The following SIL1 variants were observed in gnomAD, a reference collection of about 807,000 sequenced individuals.
SIL1 encodes the protein SIL1 nucleotide exchange factor, also known as nucleotide exchange factor SIL1.
In SIL1, 40 loss-of-function variants were observed where a neutral mutation model predicts 49.1. That is an observed-to-expected ratio of 0.81 (90% CI 0.63 to 1.06). SIL1 has a LOEUF of 1.06. SIL1 is among the 50% of genes least tolerant of loss of function. SIL1 has a pLI of 0.00. For synonymous variants in SIL1, 253 were observed against 250.8 expected (o/e 1.01, Z -0.08); for missense variants, 500 against 572.6 (o/e 0.87, Z 1.29).
intron 1 of SIL1, among the ~76,000 whole-genome samples, chr5:139,174,302 G>A (rs530166077): frequency 4.6e-5 from 7 of 151,958 alleles, no homozygotes; most frequent in African/African-American, 9.7e-5. Context: ...TTCAAGACCC[G>A]TCTGGGCAAT....
intron 3 of SIL1, among the ~76,000 whole-genome samples, chr5:139,079,504 T>A (rs900528754): frequency 1.3e-5 from 2 of 152,204 alleles, no homozygotes; most frequent in Admixed American, 1.3e-4. Flanking sequence ...GAAGGCTGAG[T>A]ATAATTGAAT....
At chr5:138,999,103 C>CCAAATT in intron 7 of SIL1, among the ~76,000 whole-genome samples, 1 of 152,082 alleles carries the variant, frequency 6.6e-6, no homozygotes, top group East Asian at 1.9e-4. Context: ...GTGAAATGCC[C>CCAAATT]ACCTTGGCCT....
At chr5:139,139,997 G>A (rs1751049343) in intron 1 of SIL1, among the ~76,000 whole-genome samples, 1 of 151,940 alleles carries the variant, frequency 6.6e-6, no homozygotes, top group South Asian at 2.1e-4. Flanking sequence ...GAGGCTGGGT[G>A]CAGTGGCTCA....
chr5:139,029,854 C>A (rs1768746909), intron 5 of SIL1, among the ~76,000 whole-genome samples: 1 of 151,070 alleles, frequency 6.6e-6, no homozygotes. Context: ...GTGATGTGTG[C>A]CCATAGTCCT....
intron 3 of SIL1, among the ~76,000 whole-genome samples, chr5:139,094,686 T>G (rs1770417400): frequency 6.6e-6 from 1 of 152,234 alleles, no homozygotes; most frequent in African/African-American, 2.4e-5. Context: ...GCTATCATCT[T>G]ATATTACCAT....
In SIL1 at chr5:139,007,399, T is replaced by C. The variant is rs1266704664; in HGVS notation, c.767+13772A>G. Among the ~76,000 whole-genome samples, 613 of 133,402 alleles carry C rather than the reference T, an allele frequency of 4.6e-3. 6 individuals are homozygous for C. Among genetic ancestry groups the C allele is most frequent in the African/African-American group, 0.015 (461 of 31,728 alleles). 87.5% of individuals were successfully genotyped at this position (133,402 alleles called of 152,430 possible). A position where few individuals can be genotyped will look rare whatever the true frequency, so the allele number is the denominator to read the frequency against. The stretch of plus-strand genomic sequence containing the variant: ...GTTTTCTAGATATACAATCATGTCG[T>C]CTGCAAACAGGGACAATTTGACTTC... On this transcript the variant is annotated intron_variant, in intron 7 of 9. Transcript: ENST00000394817.
At position 139,027,042 on chromosome 5, in the gene SIL1, A is replaced by G. The variant is rs373465986; in HGVS notation, c.454-50T>C. On this transcript the variant is annotated intron_variant, in intron 5 of 9. Coordinates refer to ENST00000394817, the MANE Select transcript of SIL1 (RefSeq NM_022464.5). ...TTAAATTGGTTGGAGACATCTGCCC[A>G]AGATGTCTGTGGTCTACCATGGATG... is the stretch of plus-strand genomic sequence containing the variant. 103 of 1,572,838 alleles carry G rather than the reference A, an allele frequency of 6.5e-5. No individual in the cohort carries two copies. In the East Asian group the frequency reaches 1.1e-3, roughly 17 times the overall value.
chr5:139,148,053 A>G (rs1751226164), intron 1 of SIL1, among the ~76,000 whole-genome samples: 1 of 152,038 alleles, frequency 6.6e-6, no homozygotes, highest in South Asian at 2.1e-4. Flanking sequence ...TGACAAATAA[A>G]TACATTCTGA....
chr5:139,061,111 A>G (rs1769578151), intron 3 of SIL1, among the ~76,000 whole-genome samples: 2 of 152,240 alleles, frequency 1.3e-5, no homozygotes, highest in South Asian at 4.1e-4. Flanking sequence ...AACTGCTGAA[A>G]TGATAGTTTT....
intron 1 of SIL1, among the ~76,000 whole-genome samples, chr5:139,136,326 C>T (rs1365532496): frequency 6.6e-6 from 1 of 152,182 alleles, no homozygotes. Flanking sequence ...GCTGTGGCAA[C>T]CTCATACCTG....
At chr5:139,181,990 G>GT (rs1228780990) in intron 1 of SIL1, among the ~76,000 whole-genome samples, 1 of 151,850 alleles carries the variant, frequency 6.6e-6, no homozygotes, top group Admixed American at 6.6e-5. Flanking sequence ...TGTTTTTTTG[G>GT]TTTTTTTTAA....
At chr5:139,012,751 C>G (rs1768311699) in intron 7 of SIL1, 1 of 152,172 alleles carries the variant, frequency 6.6e-6, no homozygotes, top group African/African-American at 2.4e-5. Context: ...GAGAATCACT[C>G]AAGCCCAGGA....
At chr5:139,019,573 A>C (rs1029781531) in intron 7 of SIL1, among the ~76,000 whole-genome samples, 1 of 152,222 alleles carries the variant, frequency 6.6e-6, no homozygotes, top group Non-Finnish European at 1.5e-5. Context: ...CATGGTCTTA[A>C]GCTAATACAA....
rs1232548312 is a variant in SIL1, at chr5:139,176,289, TTAGATA to T, written c.-11+21974_-11+21979del. ...CTATCTACATTCTGATCAAGACCAC[TTAGATA>T]ATCTCTAAGAAAACGGAGGCTTTCT... On this transcript the variant is annotated intron_variant, in intron 1 of 9. Transcript: ENST00000394817. Among the ~76,000 whole-genome samples, 26 of 152,162 alleles carry T rather than the reference TTAGATA, an allele frequency of 1.7e-4. 2 individuals carry two copies. The highest frequency in any genetic ancestry group is 1.7e-3 in the Admixed American group (26 of 15,278).
At chr5:138,965,912 G>A (rs1037101072) in intron 7 of SIL1, among the ~76,000 whole-genome samples, 2 of 151,846 alleles carry the variant, frequency 1.3e-5, no homozygotes, top group African/African-American at 4.8e-5. Context: ...GCCTTATACA[G>A]AGAGTGACCA....
At chr5:138,999,840 G>GTGCACCATGAT (rs1427162478) in intron 7 of SIL1, among the ~76,000 whole-genome samples, 1 of 152,176 alleles carries the variant, frequency 6.6e-6, no homozygotes, top group African/African-American at 2.4e-5. Context: ...CAAGGCTGCA[G>GTGCACCATGAT]TGCACCATGA....
intron 3 of SIL1, among the ~76,000 whole-genome samples, chr5:139,053,060 A>C (rs966109984): frequency 1.5e-4 from 23 of 152,212 alleles, no homozygotes; most frequent in African/African-American, 4.8e-4. Flanking sequence ...CTATGATCAC[A>C]GGGCAAGAGG....
At chr5:139,016,061 G>A (rs1261793263) in intron 7 of SIL1, among the ~76,000 whole-genome samples, 2 of 152,182 alleles carry the variant, frequency 1.3e-5, no homozygotes, top group East Asian at 3.9e-4. Flanking sequence ...AAGAGCCCCT[G>A]CACTCCAGCC....
At chr5:138,961,703 C>A (rs929608172) in intron 7 of SIL1, among the ~76,000 whole-genome samples, 2 of 152,090 alleles carry the variant, frequency 1.3e-5, no homozygotes, top group Admixed American at 6.5e-5. Flanking sequence ...CGAACTGTGC[C>A]CCCTGAAGCC....
Sources: gnomAD v4.1 joint callset for allele counts (sites outside exome capture counted in the v4.1 genomes callset) on GRCh38, gnomAD v4.1.1 for gene constraint, MANE v1.5 for transcripts, NCBI Gene and HGNC (gene_info 2026-07-23, HGNC 2026-07-21) for gene names.